Variants in OXCT1 observed in about 807,000 individuals in gnomAD.
The protein encoded by OXCT1 is 3-oxoacid CoA-transferase 1, also known as succinyl-CoA:3-ketoacid coenzyme A transferase 1, mitochondrial.
Under a neutral mutation model 69.6 loss-of-function variants are expected in OXCT1, and 27 were observed. The observed-to-expected ratio is 0.39, with a 90% confidence interval of 0.29 to 0.54. The LOEUF is 0.54. OXCT1 is among the 20% of genes least tolerant of loss of function. The pLI is 0.72. For missense variants in OXCT1, 437 were observed against 650.2 expected, an observed-to-expected ratio of 0.67 and a Z score of 3.57; for synonymous variants, 202 against 217.8, an observed-to-expected ratio of 0.93 and a Z score of 0.64.
intron 14 of OXCT1, among the ~76,000 whole-genome samples, chr5:41,761,719 C>A (rs1488473755): frequency 6.6e-6 from 1 of 152,110 alleles, no homozygotes; most frequent in Non-Finnish European, 1.5e-5. Context: ...GATGTATGTT[C>A]TGTTGTGGCT....
At chr5:41,807,590 T>A (rs573571434) in intron 7 of OXCT1, 152 bp from the exon 8 acceptor site, 2 of 631,236 alleles carry the variant, frequency 3.2e-6, no homozygotes, top group Non-Finnish European at 5.7e-6. Context: ...TGTATACATA[T>A]AGGTAATGTC....
chr5:41,807,508 T>G, intron 7 of OXCT1, 70 bp from the exon 8 acceptor site: 1 of 835,664 alleles, frequency 1.2e-6, no homozygotes, highest in Non-Finnish European at 2.0e-6. Flanking sequence ...TTTTAAAAAG[T>G]ATACACAACT....
At chr5:41,825,985 TG>T (rs1747790250) in intron 7 of OXCT1, among the ~76,000 whole-genome samples, 1 of 152,198 alleles carries the variant, frequency 6.6e-6, no homozygotes, top group African/African-American at 2.4e-5. Flanking sequence ...AGAGATAAAA[TG>T]GGTCATTAAC....
intron 1 of OXCT1, among the ~76,000 whole-genome samples, chr5:41,868,382 A>G (rs1750101961): frequency 6.6e-6 from 1 of 152,184 alleles, no homozygotes; most frequent in African/African-American, 2.4e-5. Flanking sequence ...CAATATACAC[A>G]TCTGAAAAGT....
At chr5:41,859,865 A>ATATATATATATATATATATAT (rs1749637205) in intron 3 of OXCT1, among the ~76,000 whole-genome samples, 13 of 59,094 alleles carry the variant, frequency 2.2e-4, no homozygotes, top group Admixed American at 5.5e-4. Context: ...TAGTATAGTA[A>ATATATATATATATATATATAT]TATATATATA....
chr5:41,757,039 T>G (rs986123795), intron 14 of OXCT1, among the ~76,000 whole-genome samples: 1 of 151,906 alleles, frequency 6.6e-6, no homozygotes, highest in African/African-American at 2.4e-5. Context: ...ACTCTGGACT[T>G]GAATCTAAGT....
At position 41,842,775 on chromosome 5, in the gene OXCT1, C is replaced by G. The variant is rs776624967; in HGVS notation, c.571G>C (p.Glu191Gln). The G allele has an allele frequency of 6.2e-6, 10 of 1,607,808 alleles. No homozygotes were observed. Among genetic ancestry groups the G allele is most frequent in the Middle Eastern group, 1.7e-4 (1 of 6,052 alleles). ...AAAATAAAGTGCTGACCATTGAACT[C>G]CCTCACCTGCAGAAGAGGGAGAAGG... is the stretch of plus-strand genomic sequence containing the variant. The part of the protein sequence containing the change: ...AIASKPREVR[E>Q]FNGQHFILEE... The change falls in exon 6 of 17, where the codon GAG becomes CAG. Residue 191 changes from glutamate (E) to glutamine (Q), a missense_variant. Glu to Gln is a conservative substitution (Grantham distance 29). This residue lies in a region of OXCT1 where 252 missense variants were observed against 397.4 expected (regional missense o/e 0.63). Coordinates refer to ENST00000196371, the MANE Select transcript of OXCT1 (RefSeq NM_000436.4).
intron 15 of OXCT1, 93 bp from the exon 16 acceptor site, chr5:41,739,584 G>C (rs1743058117): frequency 7.6e-6 from 7 of 920,866 alleles, no homozygotes; most frequent in Non-Finnish European, 1.2e-5. Flanking sequence ...AGTTCGACGA[G>C]GTCGGGTGTG....
At chr5:41,739,528 C>T (rs773576289) in intron 15 of OXCT1, 37 bp from the exon 16 acceptor site, 1 of 1,415,836 alleles carries the variant, frequency 7.1e-7, no homozygotes, top group Non-Finnish European at 1.0e-6. Flanking sequence ...ATGACAATTT[C>T]CATCAAAATA....
At position 41,762,238 on chromosome 5, in the gene OXCT1, T is replaced by C; in HGVS notation, c.1249-38A>G. On this transcript the variant is annotated intron_variant, in intron 13 of 16. Transcript: ENST00000196371. This position sits in a 1 kb window ranked among gnomAD's most constrained non-coding sequence, Gnocchi z 4.0. ...AAATAAATAGCTCTGTATCTTTCAC[T>C]TCTTTTGTATGTGACAGAACAAAAT... The C allele has an allele frequency of 1.4e-6, 2 of 1,443,672 alleles. No homozygotes were observed. Among genetic ancestry groups the C allele is most frequent in the Non-Finnish European group, 2.0e-6 (2 of 1,024,600 alleles). The allele number at this position is 1,443,672 out of a possible 1,614,324, so 89.4% of individuals were successfully genotyped here. A position where few individuals can be genotyped will look rare whatever the true frequency, so the allele number is the denominator to read the frequency against.
chr5:41,753,459 G>A (rs1743911522), intron 14 of OXCT1, among the ~76,000 whole-genome samples: 2 of 152,112 alleles, frequency 1.3e-5, no homozygotes, highest in Admixed American at 1.3e-4. Context: ...TTCAGCTTTT[G>A]TTCATGCTGC....
chr5:41,791,908 A>AT (rs1745940249), intron 13 of OXCT1, among the ~76,000 whole-genome samples: 1 of 151,928 alleles, frequency 6.6e-6, no homozygotes, highest in Admixed American at 6.6e-5. Context: ...GGTGCACGCC[A>AT]TTCTCCTGCC....
At chr5:41,814,131 A>G (rs557811525) in intron 7 of OXCT1, among the ~76,000 whole-genome samples, 5 of 98,386 alleles carry the variant, frequency 5.1e-5, no homozygotes, top group Admixed American at 1.0e-4. Flanking sequence ...CATCTTTGGG[A>G]AAAAAAAAAC....
At chr5:41,777,998 A>C (rs1038798171) in intron 13 of OXCT1, among the ~76,000 whole-genome samples, 2 of 152,250 alleles carry the variant, frequency 1.3e-5, no homozygotes, top group Non-Finnish European at 2.9e-5. Flanking sequence ...CCTAGGCTAC[A>C]ATCATAATCC....
intron 7 of OXCT1, among the ~76,000 whole-genome samples, chr5:41,814,905 T>A (rs1415023652): frequency 2.6e-5 from 4 of 151,134 alleles, no homozygotes; most frequent in Non-Finnish European, 5.9e-5. Flanking sequence ...ATAAAAAGAG[T>A]CTTCCTTTCT....
chr5:41,829,441 C>T (rs1326452122), intron 7 of OXCT1, among the ~76,000 whole-genome samples: 1 of 151,894 alleles, frequency 6.6e-6, no homozygotes, highest in Non-Finnish European at 1.5e-5. Flanking sequence ...AAAAATAGCT[C>T]CAAAATTTTG....
At chr5:41,737,302 G>T (rs1395876781) in intron 16 of OXCT1, among the ~76,000 whole-genome samples, 1 of 152,170 alleles carries the variant, frequency 6.6e-6, no homozygotes, top group African/African-American at 2.4e-5. Context: ...GGTCTACAGA[G>T]ATATTTTCCA....
chr5:41,827,379 G>A (rs768827505), intron 7 of OXCT1, among the ~76,000 whole-genome samples: 11 of 152,070 alleles, frequency 7.2e-5, no homozygotes, highest in Non-Finnish European at 1.5e-4. Context: ...TCGAGTCCAG[G>A]AAATTTATCT....
At chr5:41,788,122 G>A (rs1368263103) in intron 13 of OXCT1, among the ~76,000 whole-genome samples, 2 of 152,050 alleles carry the variant, frequency 1.3e-5, no homozygotes, top group African/African-American at 2.4e-5. Flanking sequence ...ACACAATAAG[G>A]CAGAAAACAG....
Sources: gnomAD v4.1 joint callset for allele counts (sites outside exome capture counted in the v4.1 genomes callset) on GRCh38, gnomAD v4.1.1 for gene constraint, gnomAD v4.1.1 regional missense constraint, Gnocchi (gnomAD v3.1) non-coding constraint, MANE v1.5 for transcripts, NCBI Gene and HGNC (gene_info 2026-07-23, HGNC 2026-07-21) for gene names.